The following CELF1 variants were observed in gnomAD, a reference collection of about 807,000 sequenced individuals.
CELF1 encodes the protein CUGBP Elav-like family member 1.
Under a neutral mutation model 61.8 loss-of-function variants are expected in CELF1, and 10 were observed. That is an observed-to-expected ratio of 0.16 (90% confidence interval 0.10 to 0.27). The LOEUF is 0.27. CELF1 is among the 10% of genes least tolerant of loss of function. The pLI is 1.00. For missense variants in CELF1, 380 were observed against 639.1 expected (o/e 0.59, Z 4.37); for synonymous variants, 236 against 225.1 (o/e 1.05, Z -0.43).
At chr11:47,482,527 G>T (rs929575859) in intron 9 of CELF1, 168 bp downstream of exon 9, 2 of 560,440 alleles carry the variant, frequency 3.6e-6, no homozygotes, top group Non-Finnish European at 6.2e-6. Context: ...TATATAGAGA[G>T]AGAAAGAGAC....
chr11:47,499,037 T>G (rs1479436376), intron 3 of CELF1, among the ~76,000 whole-genome samples: 2 of 152,180 alleles, frequency 1.3e-5, no homozygotes, highest in Admixed American at 6.5e-5. Flanking sequence ...TTCTCTGTGA[T>G]AGGAGACTAA....
At chr11:47,558,856 A>G (rs960038258) in intron 2 of CELF1, among the ~76,000 whole-genome samples, 3 of 129,214 alleles carry the variant, frequency 2.3e-5, no homozygotes, top group African/African-American at 8.6e-5. Context: ...ATATATATAT[A>G]CAATATAATA....
chr11:47,532,033 T>C (rs2096491902), intron 1 of CELF1, among the ~76,000 whole-genome samples: 1 of 151,774 alleles, frequency 6.6e-6, no homozygotes, highest in Non-Finnish European at 1.5e-5. Context: ...GCTCTTATTT[T>C]TATTTTTTTT....
intron 1 of CELF1, among the ~76,000 whole-genome samples, chr11:47,518,678 C>T (rs1164111289): frequency 6.6e-6 from 1 of 152,186 alleles, no homozygotes; most frequent in African/African-American, 2.4e-5. Flanking sequence ...CTGCATCTCC[C>T]CTGCCTCTTT....
At chr11:47,509,512 C>T (rs1392925995) in intron 1 of CELF1, among the ~76,000 whole-genome samples, 1 of 152,076 alleles carries the variant, frequency 6.6e-6, no homozygotes, top group Admixed American at 6.6e-5. Flanking sequence ...TATGCTGGCA[C>T]CACTGCACTC....
chr11:47,477,034 C>A, intron 11 of CELF1, 75 bp from the exon 12 acceptor site: 1 of 1,251,454 alleles, frequency 8.0e-7, no homozygotes, highest in Non-Finnish European at 1.2e-6. Context: ...GTGTCACTAT[C>A]CAAGTATGCT....
intron 1 of CELF1, among the ~76,000 whole-genome samples, chr11:47,524,292 C>CA (rs532330470): frequency 7.5e-4 from 113 of 151,132 alleles, no homozygotes; most frequent in Non-Finnish European, 8.3e-4. Context: ...TGACCTGTAA[C>CA]AAAACAAAGA....
At chr11:47,528,260 T>C (rs2096327481) in intron 1 of CELF1, among the ~76,000 whole-genome samples, 1 of 152,138 alleles carries the variant, frequency 6.6e-6, no homozygotes, top group South Asian at 2.1e-4. Context: ...TCAAGAGAAA[T>C]ACGGGATTGG....
chr11:47,533,492 T>A (rs920549077), intron 1 of CELF1, among the ~76,000 whole-genome samples: 1 of 152,090 alleles, frequency 6.6e-6, no homozygotes, highest in Non-Finnish European at 1.5e-5. Flanking sequence ...CATGGCAGTG[T>A]ATGCCTGTAG....
chr11:47,498,549 T>C (rs932179114), intron 3 of CELF1, among the ~76,000 whole-genome samples: 2 of 152,222 alleles, frequency 1.3e-5, no homozygotes, highest in Non-Finnish European at 2.9e-5. Flanking sequence ...CCTCAAAGAC[T>C]TGCATTAACA....
intron 1 of CELF1, among the ~76,000 whole-genome samples, chr11:47,529,716 G>A (rs2096397312): frequency 6.6e-6 from 1 of 152,074 alleles, no homozygotes; most frequent in Non-Finnish European, 1.5e-5. Context: ...AGCTACTGGG[G>A]AGGCTGAGGC....
chr11:47,508,191 T>G (rs929937771), intron 1 of CELF1, among the ~76,000 whole-genome samples: 1 of 152,198 alleles, frequency 6.6e-6, no homozygotes, highest in African/African-American at 2.4e-5. Context: ...CTGTAATGAT[T>G]ATCACAGATG....
chr11:47,524,314 A>C (rs944352428), intron 1 of CELF1, among the ~76,000 whole-genome samples: 5 of 152,184 alleles, frequency 3.3e-5, no homozygotes, highest in East Asian at 1.9e-4. Flanking sequence ...GAAAAAAAAA[A>C]CACTACCACT....
chr11:47,529,970 G>C (rs1004494525), intron 1 of CELF1, among the ~76,000 whole-genome samples: 1 of 152,108 alleles, frequency 6.6e-6, no homozygotes, highest in Non-Finnish European at 1.5e-5. Context: ...TTATGCCTCA[G>C]TTTGTAAAGA....
At chr11:47,502,620 C>A (rs11824971) in intron 1 of CELF1, among the ~76,000 whole-genome samples, 30,894 of 151,864 alleles carry the variant, frequency 0.2, 3,617 homozygotes, top group East Asian at 0.3. Context: ...ATCATGAGGT[C>A]AGGAGATCGA....
chr11:47,482,998 G>C (rs1285251511), intron 8 of CELF1, 142 bp from the exon 9 acceptor site: 1 of 806,516 alleles, frequency 1.2e-6, no homozygotes, highest in African/African-American at 1.7e-5. Flanking sequence ...CAAGAGAGAA[G>C]AGACTGTAAT....
chr11:47,488,488 T>A (rs2089121237), intron 4 of CELF1, among the ~76,000 whole-genome samples: 1 of 152,238 alleles, frequency 6.6e-6, no homozygotes, highest in Non-Finnish European at 1.5e-5. Context: ...TTTATCTTTG[T>A]TATCTGTTCC....
chr11:47,539,902 C>T (rs1233674171), intron 1 of CELF1, among the ~76,000 whole-genome samples: 2 of 152,204 alleles, frequency 1.3e-5, no homozygotes, highest in African/African-American at 4.8e-5. Context: ...AACTTGGCTG[C>T]ATACCAGCAT....
intron 1 of CELF1, among the ~76,000 whole-genome samples, chr11:47,541,885 T>G (rs1430630282): frequency 1.3e-5 from 2 of 151,560 alleles, no homozygotes; most frequent in African/African-American, 4.9e-5. Flanking sequence ...AGTACAAAAT[T>G]ACACAGCCCA....
Sources: gnomAD v4.1 joint callset for allele counts (sites outside exome capture counted in the v4.1 genomes callset) on GRCh38, gnomAD v4.1.1 for gene constraint, MANE v1.5 for transcripts, NCBI Gene and HGNC (gene_info 2026-07-23, HGNC 2026-07-21) for gene names.